Variants in G3BP2 observed in about 807,000 individuals in gnomAD.
G3BP2 encodes the protein G3BP stress granule assembly factor 2, also known as ras GTPase-activating protein-binding protein 2.
Under a neutral mutation model 56.7 loss-of-function variants are expected in G3BP2, and 11 were observed. That is an observed-to-expected ratio of 0.19 (90% CI 0.12 to 0.32). The LOEUF is 0.32. Among genes scored for constraint, G3BP2 ranks in the 10% least tolerant of loss-of-function variants. The pLI, the probability that G3BP2 is intolerant of heterozygous loss-of-function variation, is 1.00. For missense variants in G3BP2, 340 were observed against 610.9 expected, an observed-to-expected ratio of 0.56 and a Z score of 4.67; for synonymous variants, 165 against 191.6, an observed-to-expected ratio of 0.86 and a Z score of 1.15.
intron 3 of G3BP2, among the ~76,000 whole-genome samples, chr4:75,719,065 A>C (rs1353159124): frequency 6.6e-6 from 1 of 152,192 alleles, no homozygotes; most frequent in Non-Finnish European, 1.5e-5. Flanking sequence ...GTTGTTAAGA[A>C]ATTGATAATA....
In G3BP2 at chr4:75,647,097, C is replaced by G; in HGVS notation, c.989G>C (p.Ser330Thr). 3 of 1,597,414 alleles carry G rather than the reference C, an allele frequency of 1.9e-6. No individual in the cohort carries two copies. Among genetic ancestry groups the G allele is most frequent in the Non-Finnish European group, 2.6e-6 (3 of 1,165,706 alleles). ...DNRRIIRYPD[S>T]HQLFVGNLPH... ...CAAGTTACCAACAAAAAGTTGATGA[C>G]TATCTGGATAGCGAATTATTCTACG... The change falls in exon 10 of 12, where the codon AGT becomes ACT. Residue 330 changes from serine to threonine, a missense_variant. Coordinates refer to ENST00000359707, the MANE Select transcript of G3BP2 (RefSeq NM_203505.3).
intron 1 of G3BP2, among the ~76,000 whole-genome samples, chr4:75,667,232 C>T (rs1733115110): frequency 6.8e-6 from 1 of 147,564 alleles, no homozygotes; most frequent in Admixed American, 7.0e-5. Context: ...AAGGCTGCAG[C>T]GAGCCAAGAT....
intron 3 of G3BP2, among the ~76,000 whole-genome samples, chr4:75,708,472 A>C (rs1719635480): frequency 2.0e-5 from 3 of 152,218 alleles, no homozygotes; most frequent in African/African-American, 4.8e-5. Flanking sequence ...CCTAGCAGCT[A>C]GAACCCAGCT....
At chr4:75,711,844 C>G (rs920778692) in intron 3 of G3BP2, among the ~76,000 whole-genome samples, 5 of 152,180 alleles carry the variant, frequency 3.3e-5, no homozygotes, top group African/African-American at 1.2e-4. Flanking sequence ...CCTTGGGTCT[C>G]TCCTCCCTAG....
intron 3 of G3BP2, among the ~76,000 whole-genome samples, chr4:75,706,124 G>A (rs1380606162): frequency 6.6e-6 from 1 of 152,094 alleles, no homozygotes; most frequent in African/African-American, 2.4e-5. Flanking sequence ...GGCTCACAGA[G>A]GTTAAGTAAC....
chr4:75,665,500 C>G (rs1023645500), intron 1 of G3BP2, among the ~76,000 whole-genome samples: 12 of 152,146 alleles, frequency 7.9e-5, no homozygotes, highest in African/African-American at 2.9e-4. Context: ...AATCCCAGCA[C>G]TTTGGGACGT....
upstream of G3BP2, chr4:75,674,003 G>C (rs541985750): frequency 1.0e-4 from 16 of 152,754 alleles, no homozygotes; most frequent in Middle Eastern, 6.8e-3. Context: ...TTGTGTCCTT[G>C]TTACGAATTT....
chr4:75,682,646 T>C (rs1734124185), intron 3 of G3BP2, among the ~76,000 whole-genome samples: 1 of 152,140 alleles, frequency 6.6e-6, no homozygotes, highest in East Asian at 1.9e-4. Flanking sequence ...GAAAACTTGG[T>C]AGTTGTGAAA....
At chr4:75,688,169 CT>C (rs35480601) in intron 3 of G3BP2, among the ~76,000 whole-genome samples, 35,229 of 147,264 alleles carry the variant, frequency 0.24, 4,309 homozygotes, top group Middle Eastern at 0.37. Flanking sequence ...TGCCTTCCTT[CT>C]TTTTTTTTTT....
chr4:75,648,943 T>C (rs1731454740), intron 8 of G3BP2: 1 of 416,916 alleles, frequency 2.4e-6, no homozygotes, highest in Non-Finnish European at 4.4e-6. Flanking sequence ...GCTTTTGTTT[T>C]CCCACTTAAT....
Position 75,645,203 on chromosome 4 carries a change from CA to C in G3BP2, c.*226del, listed in dbSNP as rs1223332315. 9 of 560,682 alleles carry C rather than the reference CA, an allele frequency of 1.6e-5. No individual in the cohort carries two copies. The highest frequency in any genetic ancestry group is 2.8e-5 in the Non-Finnish European group (9 of 319,142). 34.7% of individuals were successfully genotyped at this position (560,682 alleles called of 1,614,324 possible). A position where few individuals can be genotyped will look rare whatever the true frequency, so the allele number is the denominator to read the frequency against. ...GATAGTTTAAGATATGGTCATTTCT[CA>C]GTCCTTAATTCTCCAAGTCTAGATT... On this transcript the variant is annotated 3_prime_UTR_variant, in exon 12 of 12. Transcript: ENST00000359707.
At chr4:75,721,351 C>T (rs1180096423) in intron 2 of G3BP2, among the ~76,000 whole-genome samples, 6 of 151,960 alleles carry the variant, frequency 3.9e-5, no homozygotes, top group Middle Eastern at 3.4e-3. Flanking sequence ...CAGGCTCCAG[C>T]GATCCTCCCA....
intron 1 of G3BP2, chr4:75,672,559 G>A (rs1248868865): frequency 2.0e-5 from 3 of 152,318 alleles, no homozygotes; most frequent in Non-Finnish European, 2.9e-5. Flanking sequence ...GGGAGAGGGG[G>A]GTTGGTCAAA....
chr4:75,647,644 T>C (rs1406478930), intron 9 of G3BP2, among the ~76,000 whole-genome samples: 2 of 152,148 alleles, frequency 1.3e-5, no homozygotes, highest in African/African-American at 2.4e-5. Flanking sequence ...TAAAATCTTA[T>C]TTGATTCTCC....
chr4:75,645,789 T>A, intron 11 of G3BP2, 87 bp from the exon 12 acceptor site: 1 of 1,245,628 alleles, frequency 8.0e-7, no homozygotes, highest in Non-Finnish European at 1.1e-6. Flanking sequence ...CAGATAAGCA[T>A]AAGGAATAAA....
intron 8 of G3BP2, among the ~76,000 whole-genome samples, chr4:75,649,401 T>C (rs912228721): frequency 6.6e-6 from 1 of 152,130 alleles, no homozygotes; most frequent in African/African-American, 2.4e-5. Flanking sequence ...ATGAGAAAAA[T>C]ATGCATTTGA....
intron 1 of G3BP2, among the ~76,000 whole-genome samples, chr4:75,668,456 C>T (rs1733230647): frequency 6.6e-6 from 1 of 152,114 alleles, no homozygotes; most frequent in Non-Finnish European, 1.5e-5. Context: ...GAGTTGATTG[C>T]TAATTGAATA....
At chr4:75,655,743 T>C (rs764218546) in intron 6 of G3BP2, 25 bp downstream of exon 6, 1 of 1,268,634 alleles carries the variant, frequency 7.9e-7, no homozygotes, top group Admixed American at 1.7e-5. Flanking sequence ...CAGACCAAAT[T>C]TAACCTTGCA....
intron 3 of G3BP2, among the ~76,000 whole-genome samples, chr4:75,691,385 A>AT (rs1452409918): frequency 1.3e-5 from 2 of 151,720 alleles, no homozygotes; most frequent in African/African-American, 4.8e-5. Flanking sequence ...TCATTTATTC[A>AT]TTTTTTAGAG....
Sources: allele counts gnomAD v4.1 joint callset (sites outside exome capture counted in the v4.1 genomes callset), GRCh38; gene constraint gnomAD v4.1.1; transcripts MANE v1.5; gene names NCBI Gene and HGNC (gene_info 2026-07-23, HGNC 2026-07-21).